WWC1: variants seen among roughly 807,000 people sequenced by gnomAD.
WWC1 encodes WW and C2 domain containing 1, also known as protein KIBRA.
A neutral mutation model predicts 138.4 loss-of-function variants in WWC1; 55 were observed. That is an observed-to-expected ratio of 0.40 (90% CI 0.32 to 0.50). The LOEUF is 0.50. Among genes scored for constraint, WWC1 ranks in the 20% least tolerant of loss-of-function variants. The pLI is 0.72. For synonymous variants in WWC1, 524 were observed against 564.9 expected, an observed-to-expected ratio of 0.93 and a Z score of 1.03; for missense variants, 1,226 against 1,420.4, an observed-to-expected ratio of 0.86 and a Z score of 2.20.
intron 17 of WWC1, among the ~76,000 whole-genome samples, chr5:168,449,392 A>G (rs1180226090): frequency 6.6e-6 from 1 of 152,164 alleles, no homozygotes; most frequent in African/African-American, 2.4e-5. Flanking sequence ...ACAAGGCCTC[A>G]GGCCTCTGCC....
At position 168,292,048 on chromosome 5, in the gene WWC1, C is replaced by G. The variant is rs1769089302; in HGVS notation, c.-105C>G. 3 of 1,348,716 alleles carry G rather than the reference C, an allele frequency of 2.2e-6. No homozygotes were observed. Among genetic ancestry groups the G allele is most frequent in the Non-Finnish European group, 2.9e-6 (3 of 1,046,946 alleles). 83.5% of individuals were successfully genotyped at this position (1,348,716 alleles called of 1,614,324 possible). ...CATCTGCGGGCGCCACCCCCCGGAT[C>G]ATGGTGCCTCGGCGGCCGCCCGGGC... On this transcript the variant is annotated 5_prime_UTR_variant, in exon 1 of 23. In the 5' UTR this introduces an upstream ATG that the reference lacks. Transcript: ENST00000265293. The surrounding 1 kb of genome is among the most constrained non-coding windows in gnomAD (Gnocchi z 4.4).
At chr5:168,460,914 G>A (rs1241105210) in intron 20 of WWC1, among the ~76,000 whole-genome samples, 172 bp downstream of exon 20, 1 of 152,194 alleles carries the variant, frequency 6.6e-6, no homozygotes, top group African/African-American at 2.4e-5. Flanking sequence ...TATGAGGCCT[G>A]TGTAGCCACA....
At chr5:168,372,778 C>A (rs116375789) in intron 2 of WWC1, among the ~76,000 whole-genome samples, 1 of 152,222 alleles carries the variant, frequency 6.6e-6, no homozygotes, top group Non-Finnish European at 1.5e-5. Flanking sequence ...GTCTTGTGCC[C>A]TTCATCACCC....
rs150573742 is a variant in WWC1, at chr5:168,298,810, G to T, written c.119+6539G>T. ...AGAAAGGTTAAGTAACCGGCCGGGCGCAGTGGCTCACTCCTGTAATTTCAG... is the reference window on the plus strand; with the variant it reads ...AGAAAGGTTAAGTAACCGGCCGGGCTCAGTGGCTCACTCCTGTAATTTCAG... On this transcript the variant is annotated intron_variant, in intron 1 of 22. Transcript: ENST00000265293. Among the ~76,000 whole-genome samples the T allele has an allele frequency of 4.9e-3, 750 of 152,250 alleles. 6 individuals carry two copies. The highest frequency in any genetic ancestry group is 0.017 in the African/African-American group (708 of 41,570).
chr5:168,435,604 T>C (rs1782286772), intron 15 of WWC1, among the ~76,000 whole-genome samples: 1 of 151,938 alleles, frequency 6.6e-6, no homozygotes, highest in Admixed American at 6.6e-5. Context: ...AGAGATGGGG[T>C]CTCACTATGT....
chr5:168,368,022 A>G (rs1295224094), intron 1 of WWC1, among the ~76,000 whole-genome samples: 1 of 152,032 alleles, frequency 6.6e-6, no homozygotes, highest in Non-Finnish European at 1.5e-5. Context: ...TTTATCTTTG[A>G]ACAGTGTTGT....
chr5:168,423,839 C>A lies in WWC1; in HGVS notation c.1581C>A (p.Thr527=), dbSNP rs371866844. Residue 527 remains threonine, a synonymous_variant, in exon 11 of 23, where the codon ACC becomes ACA. Transcript: ENST00000265293. ...AGGCTCTGCGTTCCCTGTCTGGCAC[C>A]CCAAAGTCCATGACCTCCCTATCCC... is the stretch of plus-strand genomic sequence containing the variant. ...RLQALRSLSG[T]PKSMTSLSPR... is the part of the protein sequence containing the mutation. The A allele has an allele frequency of 6.2e-6, 10 of 1,614,182 alleles. No individual in the cohort carries two copies. The African/African-American group carries it at 1.3e-4, about 22-fold the overall frequency.
intron 3 of WWC1, among the ~76,000 whole-genome samples, chr5:168,389,042 A>G (rs1778257990): frequency 6.6e-6 from 1 of 152,188 alleles, no homozygotes; most frequent in Admixed American, 6.6e-5. Flanking sequence ...CTCTAAGAGA[A>G]GGATATATTG....
intron 1 of WWC1, among the ~76,000 whole-genome samples, chr5:168,369,240 A>T (rs531887161): frequency 6.6e-6 from 1 of 152,346 alleles, no homozygotes; most frequent in East Asian, 1.9e-4. Flanking sequence ...AAGTACTCAC[A>T]AACATGGCCT....
chr5:168,389,184 C>G (rs1039134327), intron 3 of WWC1, among the ~76,000 whole-genome samples: 5 of 152,104 alleles, frequency 3.3e-5, no homozygotes, highest in African/African-American at 1.2e-4. Context: ...TGTGGTGACT[C>G]ACTTCTGTAA....
chr5:168,374,235 G>T (rs893957740), intron 2 of WWC1, among the ~76,000 whole-genome samples: 6 of 152,104 alleles, frequency 3.9e-5, no homozygotes, highest in African/African-American at 1.4e-4. Context: ...ATTTTGGCAG[G>T]AGAGACAAAA....
chr5:168,395,066 T>G (rs903836694), intron 3 of WWC1, among the ~76,000 whole-genome samples: 17 of 152,226 alleles, frequency 1.1e-4, no homozygotes, highest in Non-Finnish European at 1.8e-4. Flanking sequence ...TCTTTTTGTC[T>G]CCAGGATTTC....
At chr5:168,301,189 C>G (rs906513323) in intron 1 of WWC1, among the ~76,000 whole-genome samples, 3 of 152,200 alleles carry the variant, frequency 2.0e-5, no homozygotes, top group Admixed American at 6.5e-5. Flanking sequence ...GTGACAAGCT[C>G]ATTTTTCCAC....
chr5:168,439,351 C>T (rs1042774707), intron 15 of WWC1, among the ~76,000 whole-genome samples: 9 of 151,762 alleles, frequency 5.9e-5, no homozygotes, highest in Admixed American at 3.3e-4. Context: ...CGCTATTGGC[C>T]GGGTGCCTCA....
intron 2 of WWC1, among the ~76,000 whole-genome samples, chr5:168,373,094 G>C (rs188303487): frequency 1.6e-4 from 24 of 152,322 alleles, no homozygotes; most frequent in Non-Finnish European, 3.1e-4. Context: ...AAGTAAATAT[G>C]CCTAATTGAG....
At chr5:168,408,852 G>A (rs532218039) in intron 7 of WWC1, among the ~76,000 whole-genome samples, 199 bp downstream of exon 7, 2 of 152,280 alleles carry the variant, frequency 1.3e-5, no homozygotes, top group South Asian at 2.1e-4. Context: ...TGATGCTGTG[G>A]AGGAAAAGCC....
At chr5:168,424,139 C>G in intron 11 of WWC1, 71 bp downstream of exon 11, 1 of 1,502,866 alleles carries the variant, frequency 6.7e-7, no homozygotes, top group South Asian at 1.4e-5. Context: ...CAGAACCCCC[C>G]AGTGATCATT....
At chr5:168,401,792 C>T (rs747326828) in intron 5 of WWC1, among the ~76,000 whole-genome samples, 39 of 152,292 alleles carry the variant, frequency 2.6e-4, no homozygotes, top group Non-Finnish European at 4.4e-4. Context: ...CTTTTTAAGG[C>T]CTGGAACCAT....
At chr5:168,326,276 A>G (rs888349422) in intron 1 of WWC1, among the ~76,000 whole-genome samples, 2 of 140,978 alleles carry the variant, frequency 1.4e-5, no homozygotes, top group African/African-American at 5.3e-5. Context: ...GGAGTGCAAT[A>G]GCGTGATCTC....
Sources: gnomAD v4.1 joint callset for allele counts (sites outside exome capture counted in the v4.1 genomes callset) on GRCh38, gnomAD v4.1.1 for gene constraint, Gnocchi (gnomAD v3.1) non-coding constraint, MANE v1.5 for transcripts, NCBI Gene and HGNC (gene_info 2026-07-23, HGNC 2026-07-21) for gene names.